CKLF: variants seen among roughly 807,000 people sequenced by gnomAD.
CKLF encodes chemokine-like factor.
A neutral mutation model predicts 12.9 loss-of-function variants in CKLF; 16 were observed. That is an observed-to-expected ratio of 1.24 (90% CI 0.84 to 1.88). CKLF has a LOEUF of 1.88. Ranked by LOEUF, CKLF falls within the 40% of genes most tolerant of loss-of-function variation. CKLF has a pLI of 0.00. For synonymous variants in CKLF, 61 were observed against 69.0 expected (o/e 0.88, Z 0.57); for missense variants, 172 against 188.5 (o/e 0.91, Z 0.51).
chr16:66,566,046 AAACATATTTCTG>A lies in CKLF; in HGVS notation c.*36_*47del. On this transcript the variant is annotated 3_prime_UTR_variant, in exon 4 of 4. Transcript: ENST00000264001. The surrounding 1 kb of genome is among the most constrained non-coding windows in gnomAD (Gnocchi z 4.9). Reference sequence around the variant, plus strand: ...ACTTTTTAGTTTGATACTAAGTATTAAACATATTTCTGTATTCTTCCACATATTTTCTGCAGT... The same window carrying A: ...ACTTTTTAGTTTGATACTAAGTATTATATTCTTCCACATATTTTCTGCAGT... 6.2e-7 allele frequency: 1 copy of A among 1,608,498 alleles called. No individual in the cohort carries two copies. Among genetic ancestry groups the A allele is most frequent in the Non-Finnish European group, 8.5e-7 (1 of 1,175,558 alleles).
chr16:66,566,129 T>A, downstream of CKLF: 1 of 1,607,932 alleles, frequency 6.2e-7, no homozygotes, highest in Non-Finnish European at 8.5e-7. This position sits in a 1 kb window ranked among gnomAD's most constrained non-coding sequence, Gnocchi z 4.9. Context: ...TTCCGAAGTC[T>A]GCACCCCGCG....
At chr16:66,553,248 C>G (rs573297658) in intron 1 of CKLF, 3 of 153,870 alleles carry the variant, frequency 1.9e-5, no homozygotes, top group East Asian at 1.9e-4. Flanking sequence ...AACCGGGTAC[C>G]CAGGTTACCA....
At chr16:66,557,065 C>A (rs549985664) in intron 1 of CKLF, among the ~76,000 whole-genome samples, 2 of 152,046 alleles carry the variant, frequency 1.3e-5, no homozygotes, top group East Asian at 3.9e-4. Flanking sequence ...TTTTTTTCCA[C>A]TTAAAATAGC....
intron 1 of CKLF, among the ~76,000 whole-genome samples, chr16:66,554,124 C>T (rs2011312124): frequency 6.6e-6 from 1 of 152,182 alleles, no homozygotes; most frequent in African/African-American, 2.4e-5. Flanking sequence ...TATTAATTCT[C>T]TCAACAAACC....
At chr16:66,558,736 A>G (rs763636907) in intron 2 of CKLF, among the ~76,000 whole-genome samples, 1 of 152,238 alleles carries the variant, frequency 6.6e-6, no homozygotes, top group Non-Finnish European at 1.5e-5. Flanking sequence ...ACAGATACAC[A>G]AGTATCTATC....
At chr16:66,554,190 G>A (rs891014722) in intron 1 of CKLF, among the ~76,000 whole-genome samples, 9 of 152,180 alleles carry the variant, frequency 5.9e-5, no homozygotes, top group Admixed American at 3.9e-4. Flanking sequence ...CAGCAAAGAC[G>A]AACCAGGACA....
chr16:66,559,998 A>G (rs892021298), intron 2 of CKLF, among the ~76,000 whole-genome samples: 13 of 152,196 alleles, frequency 8.5e-5, no homozygotes, highest in African/African-American at 3.1e-4. Context: ...CAACACAGAG[A>G]ATATAGGTGC....
chr16:66,553,691 T>C (rs939495254), intron 1 of CKLF, among the ~76,000 whole-genome samples: 5 of 152,174 alleles, frequency 3.3e-5, no homozygotes, highest in African/African-American at 1.2e-4. Context: ...AAGGAAAACA[T>C]TTCCAATTAA....
intron 1 of CKLF, among the ~76,000 whole-genome samples, chr16:66,556,251 G>A (rs1270643973): frequency 6.6e-6 from 1 of 152,072 alleles, no homozygotes; most frequent in Non-Finnish European, 1.5e-5. Flanking sequence ...TGGCAATAAC[G>A]TCATAGGGGT....
chr16:66,552,888 T>TC lies in CKLF; in HGVS notation c.78+96dup, dbSNP rs1003646906. The TC allele has an allele frequency of 6.7e-5, 106 of 1,570,656 alleles. No homozygotes were observed. The Middle Eastern group carries it at 1.1e-3, about 16-fold the overall frequency. On this transcript the variant is annotated intron_variant, in intron 1 of 3. Coordinates refer to ENST00000264001, the MANE Select transcript of CKLF (RefSeq NM_016951.4). ...GCAAAGCTGAACGCCTGTTTGCTTT[T>TC]CAACCTCGCTTTGATCAAGATTGAA... is the stretch of plus-strand genomic sequence containing the variant.
At chr16:66,565,335 A>C (rs1247364396) in intron 3 of CKLF, among the ~76,000 whole-genome samples, 1 of 152,128 alleles carries the variant, frequency 6.6e-6, no homozygotes, top group East Asian at 1.9e-4. Flanking sequence ...TTTTTATCTA[A>C]TTTTACTTTC....
In CKLF at chr16:66,558,335, T is replaced by C; in HGVS notation, c.224T>C (p.Phe75Ser). Residue 75 changes from phenylalanine to serine, a missense_variant, in exon 2 of 4, where the codon TTT becomes TCT. Phe to Ser is a radical substitution (Grantham distance 155, BLOSUM62 -2). Transcript: ENST00000264001. ...LRLDRLMKWL[F>S]WPLLDIINSL... ...CTTGATCGATTAATGAAGTGGTTATTTTGGCCTTTGCTTGTAAGTGTTCAG... is the reference window on the plus strand; with the variant it reads ...CTTGATCGATTAATGAAGTGGTTATCTTGGCCTTTGCTTGTAAGTGTTCAG... The C allele has an allele frequency of 6.2e-7, 1 of 1,604,528 alleles. No individual in the cohort carries two copies. The highest frequency in any genetic ancestry group is 8.5e-7 in the Non-Finnish European group (1 of 1,177,946).
intron 1 of CKLF, among the ~76,000 whole-genome samples, chr16:66,556,747 C>G (rs1290734362): frequency 6.6e-6 from 1 of 152,068 alleles, no homozygotes; most frequent in African/African-American, 2.4e-5. Context: ...TCAAACTGAT[C>G]AGTTTAGAAG....
intron 1 of CKLF, chr16:66,553,378 C>CT (rs1465760276): frequency 6.6e-6 from 1 of 152,198 alleles, no homozygotes; most frequent in Non-Finnish European, 1.5e-5. Flanking sequence ...TTTGATGTGA[C>CT]TGAGTTCAAG....
chr16:66,563,193 C>A lies in CKLF; in HGVS notation c.309C>A (p.Thr103=). The A allele has an allele frequency of 6.2e-7, 1 of 1,614,048 alleles. No individual in the cohort carries two copies. Among genetic ancestry groups the A allele is most frequent in the Non-Finnish European group, 8.5e-7 (1 of 1,180,022 alleles). The part of the protein sequence containing the change: ...IVSVLALIPE[T]TTLTVGGGVF... ...CTGTGTTGGCACTGATACCAGAAAC[C>A]ACAACATTGACAGTTGGTGGAGGGG... The change falls in exon 3 of 4, where the codon ACC becomes ACA. Residue 103 remains threonine (T), a synonymous_variant. Transcript: ENST00000264001.
intron 1 of CKLF, 124 bp from the exon 2 acceptor site, chr16:66,558,066 C>T: frequency 6.9e-7 from 1 of 1,446,294 alleles, no homozygotes; most frequent in South Asian, 1.3e-5. Flanking sequence ...CCTCAGCCTC[C>T]CAAAATGCTG....
intron 2 of CKLF, among the ~76,000 whole-genome samples, chr16:66,561,965 C>T (rs997276332): frequency 2.5e-4 from 38 of 152,134 alleles, no homozygotes; most frequent in African/African-American, 8.9e-4. Flanking sequence ...AAGTATTAAG[C>T]GAATGAGCTA....
chr16:66,557,664 A>C (rs965729244), intron 1 of CKLF, among the ~76,000 whole-genome samples: 1 of 152,244 alleles, frequency 6.6e-6, no homozygotes, highest in African/African-American at 2.4e-5. Context: ...TGTGGGGAGC[A>C]GGATAAAAGG....
At chr16:66,558,502 G>T in intron 2 of CKLF, 154 bp downstream of exon 2, 1 of 1,076,996 alleles carries the variant, frequency 9.3e-7, no homozygotes, top group Middle Eastern at 3.2e-4. Flanking sequence ...GCCCTGTATT[G>T]CTTTGGGAGA....
Sources: gnomAD v4.1 joint callset for allele counts (sites outside exome capture counted in the v4.1 genomes callset) on GRCh38, gnomAD v4.1.1 for gene constraint, Gnocchi (gnomAD v3.1) non-coding constraint, MANE v1.5 for transcripts, NCBI Gene and HGNC (gene_info 2026-07-23, HGNC 2026-07-21) for gene names.